The following HSD17B4 variants were observed in gnomAD, a reference collection of about 807,000 sequenced individuals.
HSD17B4 encodes the protein peroxisomal multifunctional enzyme type 2.
Under a neutral mutation model 101.0 loss-of-function variants are expected in HSD17B4, and 70 were observed. That is an observed-to-expected ratio of 0.69 (90% CI 0.57 to 0.85). HSD17B4 has a LOEUF of 0.85. HSD17B4 is among the 40% of genes least tolerant of loss of function. HSD17B4 has a pLI of 0.00. For synonymous variants in HSD17B4, 347 were observed against 297.1 expected, an observed-to-expected ratio of 1.17 and a Z score of -1.73; for missense variants, 984 against 892.4, an observed-to-expected ratio of 1.10 and a Z score of -1.31.
intron 6 of HSD17B4, chr5:119,476,451 A>G: frequency 4.0e-6 from 2 of 501,822 alleles, no homozygotes; most frequent in Non-Finnish European, 5.2e-6. Flanking sequence ...GGCCATCAGA[A>G]CTAAAATGAA....
Position 119,514,116 on chromosome 5 carries a change from A to T in HSD17B4, c.1438-865A>T, listed in dbSNP as rs148946735. Among the ~76,000 whole-genome samples, 11 of 152,302 alleles carry T rather than the reference A, an allele frequency of 7.2e-5. No homozygotes were observed. In the East Asian group the frequency reaches 2.1e-3, roughly 29 times the overall value. ...CTGCAAAATACACTGGATGCAACTG[A>T]AACAAAGGAGTGTAATTGATGCAAT... On this transcript the variant is annotated intron_variant, in intron 16 of 23. Transcript: ENST00000510025.
Position 119,529,880 on chromosome 5 carries a change from C to A in HSD17B4, c.1768-14C>A, listed in dbSNP as rs754942800. The stretch of plus-strand genomic sequence containing the variant: ...TAATCAGAATAAATCTTTTTTTTTT[C>A]TTCTCCTCCTAAGGTCCAAGAAACT... On this transcript the variant is annotated splice_polypyrimidine_tract_variant and intron_variant, in intron 20 of 23. Coordinates refer to ENST00000510025, the MANE Select transcript of HSD17B4 (RefSeq NM_000414.4). 4 of 1,437,718 alleles carry A rather than the reference C, an allele frequency of 2.8e-6. No homozygotes were observed. Among genetic ancestry groups the A allele is most frequent in the Admixed American group, 1.8e-5 (1 of 54,422 alleles). The allele number at this position is 1,437,718 out of a possible 1,614,324, so 89.1% of individuals were successfully genotyped here. A position where few individuals can be genotyped will look rare whatever the true frequency, so the allele number is the denominator to read the frequency against.
intron 7 of HSD17B4, 114 bp from the exon 8 acceptor site, chr5:119,478,720 A>G: frequency 1.3e-6 from 1 of 753,492 alleles, no homozygotes. Flanking sequence ...TAAGAAGCTA[A>G]TGACAGTACA....
chr5:119,495,092 A>C (rs1255748540), intron 11 of HSD17B4, among the ~76,000 whole-genome samples: 5 of 151,818 alleles, frequency 3.3e-5, no homozygotes, highest in Non-Finnish European at 7.4e-5. Context: ...ACTCACTGAA[A>C]TTTTCATTAT....
intron 19 of HSD17B4, 28 bp from the exon 20 acceptor site, chr5:119,527,105 T>C: frequency 2.1e-6 from 3 of 1,395,372 alleles, no homozygotes; most frequent in Non-Finnish European, 3.1e-6. Flanking sequence ...TTTTAAAACA[T>C]TTTTAACCCC....
intron 11 of HSD17B4, among the ~76,000 whole-genome samples, chr5:119,496,186 T>G (rs1172392218): frequency 1.3e-5 from 2 of 152,198 alleles, no homozygotes; most frequent in East Asian, 3.8e-4. Context: ...GAGGAATCAG[T>G]GATCTCTCCA....
chr5:119,499,971 A>G (rs1441014239), intron 13 of HSD17B4, among the ~76,000 whole-genome samples: 1 of 152,152 alleles, frequency 6.6e-6, no homozygotes, highest in Non-Finnish European at 1.5e-5. Context: ...TTGTTTTTGG[A>G]ACAGTAATAG....
chr5:119,517,265 G>A (rs1752707435), intron 17 of HSD17B4, among the ~76,000 whole-genome samples: 1 of 152,236 alleles, frequency 6.6e-6, no homozygotes, highest in South Asian at 2.1e-4. Context: ...GGCTGCGGAG[G>A]GTGTACTGGG....
chr5:119,533,309 A>G (rs1324591523), intron 22 of HSD17B4, among the ~76,000 whole-genome samples: 1 of 148,856 alleles, frequency 6.7e-6, no homozygotes, highest in Admixed American at 6.7e-5. Flanking sequence ...TTTTAAATCC[A>G]TAGGGATAAT....
chr5:119,492,150 G>C (rs1274394534), intron 10 of HSD17B4, 26 bp downstream of exon 10: 1 of 1,575,330 alleles, frequency 6.3e-7, no homozygotes, highest in Non-Finnish European at 8.7e-7. Context: ...TTTTTGGTTT[G>C]TATAGATTAT....
At chr5:119,530,871 CAAA>C (rs1341040897) in intron 21 of HSD17B4, among the ~76,000 whole-genome samples, 1 of 93,494 alleles carries the variant, frequency 1.1e-5, no homozygotes, top group Non-Finnish European at 2.2e-5. Flanking sequence ...AAACAAAAAA[CAAA>C]AAAAACCCAA....
At chr5:119,477,272 A>G (rs1748672768) in intron 6 of HSD17B4, 145 bp from the exon 7 acceptor site, 4 of 629,444 alleles carry the variant, frequency 6.4e-6, no homozygotes, top group African/African-American at 3.7e-5. Flanking sequence ...TAAAGGCAAA[A>G]TACTCATTGG....
chr5:119,455,570 A>C (rs10434766), intron 1 of HSD17B4, among the ~76,000 whole-genome samples: 4,357 of 130,850 alleles, frequency 0.033, 52 homozygotes, highest in African/African-American at 0.048. Context: ...CTCTCTCTCT[A>C]TATATATATA....
At chr5:119,481,922 CCT>C (rs1491568773) in intron 8 of HSD17B4, among the ~76,000 whole-genome samples, 2 of 151,912 alleles carry the variant, frequency 1.3e-5, no homozygotes, top group Non-Finnish European at 2.9e-5. Context: ...TTTTTTTCCC[CCT>C]CTGTCTTCTT....
chr5:119,536,273 A>G (rs1264117246), intron 22 of HSD17B4, 150 bp from the exon 23 acceptor site: 2 of 721,686 alleles, frequency 2.8e-6, no homozygotes, highest in Non-Finnish European at 2.4e-6. Flanking sequence ...TAAATGACAG[A>G]TAATGTATAA....
In HSD17B4 at chr5:119,480,120, T is replaced by G. The variant is rs28762138; in HGVS notation, c.622+1099T>G. Among the ~76,000 whole-genome samples the G allele has an allele frequency of 6.4e-3, 978 of 152,322 alleles. 6 individuals are homozygous for G. The highest frequency in any genetic ancestry group is 0.01 in the Admixed American group (160 of 15,292). ...TTGAACATTTTTTTCCTATGCTTAT[T>G]TGGCATTTATTTGTCTTTTTTGTTG... On this transcript the variant is annotated intron_variant, in intron 8 of 23. Transcript: ENST00000510025.
intron 17 of HSD17B4, among the ~76,000 whole-genome samples, chr5:119,516,215 C>A (rs909694020): frequency 1.3e-5 from 2 of 152,060 alleles, no homozygotes; most frequent in East Asian, 3.9e-4. Context: ...ATTACTGTTT[C>A]TTATGAATTT....
Position 119,452,640 on chromosome 5 carries a change from A to G in HSD17B4, c.58+7A>G, listed in dbSNP as rs1231409834. The G allele has an allele frequency of 1.2e-6, 2 of 1,613,796 alleles. No individual in the cohort carries two copies. Among genetic ancestry groups the G allele is most frequent in the South Asian group, 1.1e-5 (1 of 91,072 alleles). ...GTCACCGGCGCGGGGGCAGGTGAGCATGCGAAGGTTGGAGGCCGCGCCCCT... is the reference window on the plus strand; with the variant it reads ...GTCACCGGCGCGGGGGCAGGTGAGCGTGCGAAGGTTGGAGGCCGCGCCCCT... On this transcript the variant is annotated splice_region_variant and intron_variant, in intron 1 of 23. Transcript: ENST00000510025.
intron 16 of HSD17B4, among the ~76,000 whole-genome samples, chr5:119,511,783 G>T (rs1169922825): frequency 6.6e-6 from 1 of 152,218 alleles, no homozygotes; most frequent in Non-Finnish European, 1.5e-5. Context: ...CCTGGAAGGG[G>T]TGGGGGATTA....
Sources: gnomAD v4.1 joint callset for allele counts (sites outside exome capture counted in the v4.1 genomes callset) on GRCh38, gnomAD v4.1.1 for gene constraint, MANE v1.5 for transcripts, NCBI Gene and HGNC (gene_info 2026-07-23, HGNC 2026-07-21) for gene names.